The following IGSF5 variants were observed in gnomAD, a reference collection of about 807,000 sequenced individuals.
IGSF5 encodes the protein immunoglobulin superfamily 5 like.
A neutral mutation model predicts 39.4 loss-of-function variants in IGSF5; 41 were observed. The observed-to-expected ratio is 1.04, with a 90% confidence interval of 0.81 to 1.35. IGSF5 has a LOEUF of 1.35. Ranked by LOEUF, IGSF5 falls within the 40% of genes most tolerant of loss-of-function variation. The pLI is 0.00. For missense variants in IGSF5, 487 were observed against 494.6 expected (o/e 0.98, Z 0.15); for synonymous variants, 183 against 175.3 (o/e 1.04, Z -0.34).
At position 39,754,831 on chromosome 21, in the gene IGSF5, G is replaced by C. The variant is rs550663014; in HGVS notation, c.100+8533G>C. 2.0e-5 allele frequency among the ~76,000 whole-genome samples: 3 copies of C among 152,152 alleles called. No individual in the cohort carries two copies. The East Asian group carries it at 5.8e-4, about 29-fold the overall frequency. ...AGCTTGTCTGATTTCAGTTAAACTT[G>C]AAATCAGCTTTATGACAGTGTTCCA... On this transcript the variant is annotated intron_variant, in intron 2 of 8. Coordinates refer to ENST00000380588, the MANE Select transcript of IGSF5 (RefSeq NM_001080444.2).
rs2080151056 is a variant in IGSF5, at chr21:39,778,302, A to C, written c.719-788A>C. Reference sequence around the variant, plus strand: ...AATGACTCATACTTTTAATTAACTTAAATTTGAATTTGGATGATCATGTGA... The same window carrying C: ...AATGACTCATACTTTTAATTAACTTCAATTTGAATTTGGATGATCATGTGA... On this transcript the variant is annotated intron_variant, in intron 4 of 8. Coordinates refer to ENST00000380588, the MANE Select transcript of IGSF5 (RefSeq NM_001080444.2). Among the ~76,000 whole-genome samples, 3 of 152,144 alleles carry C rather than the reference A, an allele frequency of 2.0e-5. No homozygotes were observed. The South Asian group carries it at 6.2e-4, about 32-fold the overall frequency.
At chr21:39,711,848 A>T in the IGSF5 span, among the ~76,000 whole-genome samples, 12 of 152,190 alleles carry the variant, frequency 7.9e-5, no homozygotes, top group East Asian at 2.3e-3. Context: ...CCTCTTTTTT[A>T]ATGATTAGGG....
intron 2 of IGSF5, among the ~76,000 whole-genome samples, chr21:39,756,607 G>A (rs1166030437): frequency 4.0e-5 from 6 of 151,866 alleles, no homozygotes; most frequent in African/African-American, 1.2e-4. Context: ...AATGAGAACC[G>A]TCCGGGTCAC....
At chr21:39,785,605 T>A (rs1460296292) in intron 5 of IGSF5, among the ~76,000 whole-genome samples, 10 of 152,176 alleles carry the variant, frequency 6.6e-5, no homozygotes, top group Non-Finnish European at 1.5e-5. Context: ...AAGTCATTGG[T>A]AGCTTGATGG....
the IGSF5 span, among the ~76,000 whole-genome samples, chr21:39,712,889 A>C: frequency 6.6e-6 from 1 of 152,122 alleles, no homozygotes; most frequent in Admixed American, 6.5e-5. Flanking sequence ...TCACTCAACA[A>C]CCAGCCAAGC....
At chr21:39,734,347 C>T in the IGSF5 span, among the ~76,000 whole-genome samples, 6 of 150,284 alleles carry the variant, frequency 4.0e-5, no homozygotes, top group South Asian at 2.1e-4. Flanking sequence ...CGCTTGAACC[C>T]GGGAGGCGGA....
chr21:39,748,299 A>ATTTTTTTTTT (rs1569246431), intron 2 of IGSF5, among the ~76,000 whole-genome samples: 20 of 43,750 alleles, frequency 4.6e-4, no homozygotes, highest in South Asian at 1.0e-3. Flanking sequence ...AGAAAACAAG[A>ATTTTTTTTTT]TCTTTTTTTT....
the IGSF5 span, among the ~76,000 whole-genome samples, chr21:39,738,891 CTT>C: frequency 1.5e-3 from 231 of 150,750 alleles, 3 homozygotes; most frequent in African/African-American, 5.1e-3. The surrounding 1 kb of genome is among the most constrained non-coding windows in gnomAD (Gnocchi z 6.4). Context: ...AGGGCAGAAG[CTT>C]TTTTTTTGTT....
intron 8 of IGSF5, among the ~76,000 whole-genome samples, chr21:39,794,264 G>T (rs551833442): frequency 1.4e-4 from 22 of 152,304 alleles, no homozygotes; most frequent in Middle Eastern, 3.4e-3. Context: ...GAGCAGTTTA[G>T]GGGGAAAGAT....
intron 2 of IGSF5, among the ~76,000 whole-genome samples, chr21:39,750,977 G>A (rs2080002912): frequency 6.6e-6 from 1 of 152,220 alleles, no homozygotes; most frequent in Admixed American, 6.5e-5. Context: ...GGAGGCCGGA[G>A]TGGAGAGGAT....
intron 5 of IGSF5, among the ~76,000 whole-genome samples, chr21:39,781,581 C>T (rs1234059238): frequency 6.6e-6 from 1 of 152,212 alleles, no homozygotes; most frequent in African/African-American, 2.4e-5. Flanking sequence ...GTACAATTTG[C>T]ATGCTTACCA....
chr21:39,711,841 C>T, the IGSF5 span, among the ~76,000 whole-genome samples: 1 of 152,152 alleles, frequency 6.6e-6, no homozygotes, highest in Non-Finnish European at 1.5e-5. Flanking sequence ...CCAGAAGCCT[C>T]TTTTTTAATG....
chr21:39,734,437 A>AGTACAC, the IGSF5 span, among the ~76,000 whole-genome samples: 1 of 59,504 alleles, frequency 1.7e-5, no homozygotes, highest in African/African-American at 7.8e-5. Context: ...AAAAAAAAAA[A>AGTACAC]ATACACACAC....
the IGSF5 span, among the ~76,000 whole-genome samples, chr21:39,712,261 C>A: frequency 6.6e-6 from 1 of 152,236 alleles, no homozygotes; most frequent in Non-Finnish European, 1.5e-5. Context: ...CAGGGCAGTG[C>A]GGGATGTGAT....
At chr21:39,719,355 T>A in the IGSF5 span, among the ~76,000 whole-genome samples, 18 of 152,148 alleles carry the variant, frequency 1.2e-4, no homozygotes, top group African/African-American at 4.3e-4. Flanking sequence ...CTGTTTCACA[T>A]CCTCAAGGCA....
rs139770318 is a variant in IGSF5 at position 39,791,318 on chromosome 21, C to T, written c.957-690C>T. Among the ~76,000 whole-genome samples, 1,111 of 152,320 alleles carry T rather than the reference C, an allele frequency of 7.3e-3. 17 individuals are homozygous for T. The highest frequency in any genetic ancestry group is 0.025 in the African/African-American group (1,039 of 41,576). ...GTTTGCAGTTTGCTTTTATAAATAGCTCATGAATCAACATTCTTTCAAGTA... is the reference window on the plus strand; with the variant it reads ...GTTTGCAGTTTGCTTTTATAAATAGTTCATGAATCAACATTCTTTCAAGTA... On this transcript the variant is annotated intron_variant, in intron 6 of 8. Transcript: ENST00000380588.
At chr21:39,723,570 G>A in the IGSF5 span, among the ~76,000 whole-genome samples, 1 of 152,168 alleles carries the variant, frequency 6.6e-6, no homozygotes, top group African/African-American at 2.4e-5. Flanking sequence ...CCTTCAAGAA[G>A]GAACTTGGAA....
chr21:39,775,477 A>G (rs2837208), intron 4 of IGSF5, among the ~76,000 whole-genome samples: 96,614 of 151,866 alleles, frequency 0.64, 31,794 homozygotes, highest in Non-Finnish European at 0.73. Flanking sequence ...GTGACATTTT[A>G]TATTAATCCA....
chr21:39,738,864 C>G, the IGSF5 span, among the ~76,000 whole-genome samples: 1 of 151,724 alleles, frequency 6.6e-6, no homozygotes, highest in Non-Finnish European at 1.5e-5. This position sits in a 1 kb window ranked among gnomAD's most constrained non-coding sequence, Gnocchi z 6.4. Context: ...ATGCCCTCCT[C>G]TCTGGCAGAT....
Sources: allele counts gnomAD v4.1 joint callset (sites outside exome capture counted in the v4.1 genomes callset), GRCh38; gene constraint gnomAD v4.1.1; non-coding constraint Gnocchi (gnomAD v3.1); transcripts MANE v1.5; gene names NCBI Gene and HGNC (gene_info 2026-07-23, HGNC 2026-07-21).